CYP39A1: variants seen among roughly 807,000 people sequenced by gnomAD.
CYP39A1 encodes cytochrome P450 family 39 subfamily A member 1, also known as 24-hydroxycholesterol 7-alpha-hydroxylase.
CYP39A1 carries 49 observed loss-of-function variants against 58.1 expected under a neutral mutation model. That is an observed-to-expected ratio of 0.84 (90% confidence interval 0.67 to 1.07). The LOEUF is 1.07. CYP39A1 is among the 50% of genes least tolerant of loss of function. CYP39A1 has a pLI of 0.00. For missense variants in CYP39A1, 531 were observed against 539.4 expected, an observed-to-expected ratio of 0.98 and a Z score of 0.16; for synonymous variants, 209 against 187.6, an observed-to-expected ratio of 1.11 and a Z score of -0.93.
chr6:46,554,360 A>G (rs952292667), intron 10 of CYP39A1, among the ~76,000 whole-genome samples: 2 of 152,168 alleles, frequency 1.3e-5, no homozygotes, highest in African/African-American at 4.8e-5. Context: ...GTCCTACCTA[A>G]GTCTAGATCC....
At chr6:46,637,072 G>A (rs970128651) in intron 4 of CYP39A1, among the ~76,000 whole-genome samples, 1 of 152,146 alleles carries the variant, frequency 6.6e-6, no homozygotes, top group Non-Finnish European at 1.5e-5. Flanking sequence ...GGGTCTGAGG[G>A]AGTCTGTCTG....
chr6:46,556,286 A>C (rs1230876451), intron 10 of CYP39A1, among the ~76,000 whole-genome samples: 2 of 151,988 alleles, frequency 1.3e-5, no homozygotes, highest in Non-Finnish European at 2.9e-5. Context: ...GACAGAAAAA[A>C]CTCACAGGTC....
In CYP39A1 at chr6:46,630,997, A is replaced by G; in HGVS notation, c.806T>C (p.Leu269Ser). 1.2e-6 allele frequency: 2 copies of G among 1,614,058 alleles called. No individual in the cohort carries two copies. The highest frequency in any genetic ancestry group is 1.7e-6 in the Non-Finnish European group (2 of 1,179,968). Residue 269 changes from leucine (L) to serine (S), a missense_variant, in exon 6 of 12, where the codon TTA becomes TCA. Coordinates refer to ENST00000275016, the MANE Select transcript of CYP39A1 (RefSeq NM_016593.5). ...ATTAGACAGAGAAGCCCAAAGCAGT[A>G]AGAGCCCATAATTGGGTGAGTTTTC... ...SKENSPNYGLLLLWASLSNAV... is the reference protein window; with the variant it reads ...SKENSPNYGLSLLWASLSNAV...
chr6:46,553,523 A>T (rs957301094), intron 11 of CYP39A1, among the ~76,000 whole-genome samples: 1 of 152,200 alleles, frequency 6.6e-6, no homozygotes, highest in East Asian at 1.9e-4. Context: ...AGAGCTCCTA[A>T]CACTGGAAGT....
intron 11 of CYP39A1, among the ~76,000 whole-genome samples, chr6:46,553,167 T>G (rs1375296571): frequency 2.0e-5 from 3 of 151,966 alleles, no homozygotes; most frequent in Non-Finnish European, 2.9e-5. Flanking sequence ...AATAGCACCT[T>G]TATACAGTCT....
intron 5 of CYP39A1, among the ~76,000 whole-genome samples, chr6:46,632,517 A>G (rs1055757931): frequency 6.6e-6 from 1 of 151,660 alleles, no homozygotes; most frequent in African/African-American, 2.4e-5. Flanking sequence ...TTCTATAGGT[A>G]AAATCGTGTC....
chr6:46,636,558 A>AT (rs1379443354), intron 4 of CYP39A1, 76 bp from the exon 5 acceptor site: 2 of 864,028 alleles, frequency 2.3e-6, no homozygotes, highest in Non-Finnish European at 3.7e-6. Context: ...TAAAAAAGGG[A>AT]TGTCTGTGGA....
intron 10 of CYP39A1, among the ~76,000 whole-genome samples, chr6:46,557,749 C>A (rs1770730870): frequency 6.7e-6 from 1 of 150,196 alleles, no homozygotes; most frequent in Non-Finnish European, 1.5e-5. Context: ...CCAGCCTGGC[C>A]AAGATGGTGA....
intron 7 of CYP39A1, among the ~76,000 whole-genome samples, chr6:46,611,609 TAA>T (rs1561989939): frequency 6.6e-6 from 1 of 152,142 alleles, no homozygotes. Context: ...TCTCATATTT[TAA>T]AAAAGAGATT....
At chr6:46,625,287 A>G in intron 7 of CYP39A1, 131 bp downstream of exon 7, 1 of 603,582 alleles carries the variant, frequency 1.7e-6, no homozygotes, top group Non-Finnish European at 2.8e-6. Flanking sequence ...TTATATCCTG[A>G]TATATAACAA....
chr6:46,630,271 G>C (rs1775573885), intron 6 of CYP39A1, among the ~76,000 whole-genome samples: 1 of 152,078 alleles, frequency 6.6e-6, no homozygotes, highest in Admixed American at 6.5e-5. Context: ...CACACAGAAG[G>C]AGAATGGGTA....
intron 7 of CYP39A1, among the ~76,000 whole-genome samples, chr6:46,596,742 G>A (rs921287556): frequency 1.3e-5 from 2 of 152,026 alleles, no homozygotes; most frequent in African/African-American, 4.8e-5. Context: ...GAAAAAGGAG[G>A]GGGTGGGGTG....
chr6:46,634,523 G>GTTTTTTTTTTTTTT (rs530045412), intron 5 of CYP39A1, among the ~76,000 whole-genome samples: 1 of 131,024 alleles, frequency 7.6e-6, no homozygotes, highest in Non-Finnish European at 1.6e-5. Flanking sequence ...TTTTCTTTTT[G>GTTTTTTTTTTTTTT]CTTTTTTTTT....
intron 10 of CYP39A1, among the ~76,000 whole-genome samples, chr6:46,580,755 A>G (rs1022133961): frequency 1.3e-5 from 2 of 152,234 alleles, no homozygotes; most frequent in Non-Finnish European, 2.9e-5. Flanking sequence ...AAACTGTTCA[A>G]CATTACCAAT....
At chr6:46,643,181 G>A (rs547264361) in intron 1 of CYP39A1, among the ~76,000 whole-genome samples, 4 of 152,202 alleles carry the variant, frequency 2.6e-5, no homozygotes, top group Middle Eastern at 3.4e-3. Context: ...TTTTATTGGC[G>A]TCTAAGTATA....
chr6:46,553,619 C>T, intron 11 of CYP39A1, 148 bp downstream of exon 11: 1 of 650,280 alleles, frequency 1.5e-6, no homozygotes, highest in South Asian at 1.8e-5. Flanking sequence ...AGTATCTTCT[C>T]AGTCTGGTTC....
chr6:46,625,222 G>C (rs1775238467), intron 7 of CYP39A1, among the ~76,000 whole-genome samples, 196 bp downstream of exon 7: 1 of 152,204 alleles, frequency 6.6e-6, no homozygotes. Context: ...AAATGAAGGA[G>C]TTGCACAAAA....
intron 6 of CYP39A1, among the ~76,000 whole-genome samples, chr6:46,626,528 C>T (rs1033733769): frequency 9.9e-5 from 15 of 152,124 alleles, no homozygotes; most frequent in Admixed American, 7.9e-4. Context: ...AAGAAGTGCT[C>T]AAATAAGCCA....
chr6:46,564,182 TC>T (rs200700040), intron 10 of CYP39A1, among the ~76,000 whole-genome samples: 9 of 109,038 alleles, frequency 8.3e-5, no homozygotes, highest in East Asian at 6.7e-4. Context: ...TCTATTTTAT[TC>T]TATTTTATTT....
Sources: gnomAD v4.1 joint callset for allele counts (sites outside exome capture counted in the v4.1 genomes callset) on GRCh38, gnomAD v4.1.1 for gene constraint, MANE v1.5 for transcripts, NCBI Gene and HGNC (gene_info 2026-07-23, HGNC 2026-07-21) for gene names.